Variants in GNA14 observed in about 807,000 individuals in gnomAD.
GNA14 encodes the protein G protein subunit alpha 14.
A neutral mutation model predicts 42.0 loss-of-function variants in GNA14; 50 were observed. That is an observed-to-expected ratio of 1.19 (90% CI 0.95 to 1.51). GNA14 has a LOEUF of 1.51. Ranked by LOEUF, GNA14 falls within the 40% of genes most tolerant of loss-of-function variation. The pLI is 0.00. For synonymous variants in GNA14, 173 were observed against 163.1 expected, an observed-to-expected ratio of 1.06 and a Z score of -0.46; for missense variants, 473 against 446.2, an observed-to-expected ratio of 1.06 and a Z score of -0.54.
intron 3 of GNA14, 73 bp downstream of exon 3, chr9:77,434,295 G>T: frequency 7.1e-7 from 1 of 1,404,324 alleles, no homozygotes; most frequent in South Asian, 1.3e-5. Context: ...AGCGTTCAGC[G>T]AGAAACTTCT....
chr9:77,609,959 T>A (rs1823704656), intron 1 of GNA14, among the ~76,000 whole-genome samples: 1 of 152,130 alleles, frequency 6.6e-6, no homozygotes, highest in African/African-American at 2.4e-5. Flanking sequence ...AGGAAGCTCA[T>A]CAAACAACCA....
At chr9:77,532,072 C>A (rs144967261) in intron 1 of GNA14, among the ~76,000 whole-genome samples, 2 of 152,086 alleles carry the variant, frequency 1.3e-5, no homozygotes, top group East Asian at 1.9e-4. Flanking sequence ...ACTCACCTTG[C>A]GGAGATCCTC....
intron 1 of GNA14, among the ~76,000 whole-genome samples, chr9:77,575,174 T>A (rs917740795): frequency 6.6e-6 from 1 of 152,198 alleles, no homozygotes; most frequent in African/African-American, 2.4e-5. Context: ...TTTGACTTCA[T>A]ATCTGGCTAG....
At chr9:77,641,956 A>C (rs1401010699) in intron 1 of GNA14, among the ~76,000 whole-genome samples, 1 of 152,236 alleles carries the variant, frequency 6.6e-6, no homozygotes, top group African/African-American at 2.4e-5. Flanking sequence ...GGGCATACCT[A>C]TGTTGTTTGT....
intron 1 of GNA14, among the ~76,000 whole-genome samples, chr9:77,553,107 A>G (rs1837806208): frequency 6.6e-6 from 1 of 152,224 alleles, no homozygotes; most frequent in Non-Finnish European, 1.5e-5. Context: ...AATTATTCTC[A>G]TATGTCTCTC....
At chr9:77,533,101 C>G (rs147384254) in intron 1 of GNA14, among the ~76,000 whole-genome samples, 1,067 of 91,148 alleles carry the variant, frequency 0.012, 21 homozygotes, top group African/African-American at 0.037. Flanking sequence ...AACGGCTCTT[C>G]TCCATTTAGT....
chr9:77,544,748 T>C (rs1287777851), intron 1 of GNA14, among the ~76,000 whole-genome samples: 1 of 152,004 alleles, frequency 6.6e-6, no homozygotes, highest in Non-Finnish European at 1.5e-5. Context: ...CTCATAATTG[T>C]TTTACTTTCT....
intron 1 of GNA14, among the ~76,000 whole-genome samples, chr9:77,615,869 T>G (rs1587848866): frequency 1.1e-5 from 1 of 93,192 alleles, no homozygotes; most frequent in Non-Finnish European, 1.8e-5. Flanking sequence ...TTTTTGGGGT[T>G]TTTTTTTTGG....
At chr9:77,629,728 A>G (rs1824065840) in intron 1 of GNA14, among the ~76,000 whole-genome samples, 1 of 152,156 alleles carries the variant, frequency 6.6e-6, no homozygotes, top group Admixed American at 6.5e-5. Context: ...GGGTTCTGTC[A>G]GGGGGTAGGG....
chr9:77,425,982 G>C (rs1014366913), intron 5 of GNA14, among the ~76,000 whole-genome samples: 2 of 152,066 alleles, frequency 1.3e-5, no homozygotes, highest in African/African-American at 4.8e-5. Context: ...CACATGGAAC[G>C]AAGTAAGAAA....
At chr9:77,434,594 G>A in intron 2 of GNA14, 72 bp from the exon 3 acceptor site, 2 of 1,343,538 alleles carry the variant, frequency 1.5e-6, no homozygotes, top group Admixed American at 3.7e-5. Flanking sequence ...GTCGGTACAA[G>A]TCTTGCCCTG....
intron 2 of GNA14, among the ~76,000 whole-genome samples, chr9:77,442,471 G>T (rs951482589): frequency 2.4e-4 from 37 of 152,250 alleles, no homozygotes; most frequent in Middle Eastern, 6.3e-3. Flanking sequence ...CCTGCAATGG[G>T]ATGTTTTACT....
chr9:77,479,969 C>G (rs150046441), intron 2 of GNA14, among the ~76,000 whole-genome samples: 11,786 of 152,204 alleles, frequency 0.077, 449 homozygotes, highest in Middle Eastern at 0.11. Flanking sequence ...ATGGGGTTTT[C>G]TAGGTATACA....
At chr9:77,480,581 T>C (rs971092220) in intron 2 of GNA14, among the ~76,000 whole-genome samples, 2 of 152,096 alleles carry the variant, frequency 1.3e-5, no homozygotes, top group Admixed American at 6.6e-5. Flanking sequence ...TTAGGGAGGG[T>C]TCCCTCTTTT....
chr9:77,485,324 T>A (rs1836638527), intron 2 of GNA14, among the ~76,000 whole-genome samples: 1 of 152,214 alleles, frequency 6.6e-6, no homozygotes, highest in South Asian at 2.1e-4. Flanking sequence ...AGTTTTATAA[T>A]GAGATTGCAG....
At chr9:77,623,242 A>AT (rs1564069139) in intron 1 of GNA14, among the ~76,000 whole-genome samples, 29 of 131,134 alleles carry the variant, frequency 2.2e-4, no homozygotes, top group African/African-American at 1.1e-3. Context: ...AAAAAAAAAA[A>AT]AAAAAAAAAA....
At chr9:77,533,620 C>T (rs1051591868) in intron 1 of GNA14, among the ~76,000 whole-genome samples, 5 of 152,176 alleles carry the variant, frequency 3.3e-5, no homozygotes, top group East Asian at 3.8e-4. Flanking sequence ...CCTTTCTCTG[C>T]GTGGATCCTC....
intron 2 of GNA14, among the ~76,000 whole-genome samples, chr9:77,511,248 C>T (rs1031997236): frequency 6.6e-6 from 1 of 152,048 alleles, no homozygotes; most frequent in Non-Finnish European, 1.5e-5. Context: ...TTCTGGGTTA[C>T]ACAGCTAATT....
At chr9:77,467,541 C>G (rs900487066) in intron 2 of GNA14, among the ~76,000 whole-genome samples, 1 of 150,522 alleles carries the variant, frequency 6.6e-6, no homozygotes, top group Non-Finnish European at 1.5e-5. Context: ...CCAGCCCCCA[C>G]CCCTTAATTG....
Sources: allele counts gnomAD v4.1 joint callset (sites outside exome capture counted in the v4.1 genomes callset), GRCh38; gene constraint gnomAD v4.1.1; transcripts MANE v1.5; gene names NCBI Gene and HGNC (gene_info 2026-07-23, HGNC 2026-07-21).